The following MGAT5 variants were observed in gnomAD, a reference collection of about 807,000 sequenced individuals.
MGAT5 encodes the protein alpha-1,6-mannosylglycoprotein 6-beta-N-acetylglucosaminyltransferase, also known as alpha-1,6-mannosylglycoprotein 6-beta-N-acetylglucosaminyltransferase A.
Under a neutral mutation model 94.3 loss-of-function variants are expected in MGAT5, and 30 were observed. The observed-to-expected ratio is 0.32, with a 90% CI of 0.24 to 0.43. The LOEUF (loss-of-function observed/expected upper bound fraction) is 0.43, where lower values mean the gene tolerates loss of function less well. Ranked by LOEUF, MGAT5 falls within the 20% of genes least tolerant of loss-of-function variation. MGAT5 has a pLI of 1.00. For synonymous variants in MGAT5, 310 were observed against 322.9 expected (o/e 0.96, Z 0.43); for missense variants, 691 against 905.5 (o/e 0.76, Z 3.04).
rs188964738 is a variant in MGAT5 at position 134,372,480 on chromosome 2, G to A, written c.1380+10072G>A. Among the ~76,000 whole-genome samples the A allele has an allele frequency of 1.5e-3, 233 of 152,288 alleles. 1 individual carries two copies. The highest frequency in any genetic ancestry group is 2.7e-3 in the Non-Finnish European group (182 of 68,024). ...TTTAGATCTCTTAAAGCACTGTCTC[G>A]TAGCCTCTTGAAGCATGTGTCTATT... On this transcript the variant is annotated intron_variant, in intron 10 of 15. Coordinates refer to ENST00000281923, the MANE Select transcript of MGAT5 (RefSeq NM_002410.5).
intron 8 of MGAT5, among the ~76,000 whole-genome samples, chr2:134,348,991 C>A (rs914868446): frequency 3.3e-5 from 5 of 152,058 alleles, no homozygotes; most frequent in Admixed American, 2.6e-4. Context: ...ATGAAAGCAG[C>A]CATAGAGAAT....
At chr2:134,331,278 T>C (rs1687952638) in intron 4 of MGAT5, among the ~76,000 whole-genome samples, 1 of 152,168 alleles carries the variant, frequency 6.6e-6, no homozygotes, top group Non-Finnish European at 1.5e-5. Flanking sequence ...AGGGATTTTA[T>C]AGGGTCCTTT....
At chr2:134,386,307 A>G (rs1043987855) in intron 10 of MGAT5, among the ~76,000 whole-genome samples, 1 of 152,240 alleles carries the variant, frequency 6.6e-6, no homozygotes, top group Admixed American at 6.5e-5. Context: ...GAGACTACAT[A>G]GAAAAAAATC....
chr2:134,120,095 A>G (rs1292698669), upstream of MGAT5: 1 of 152,956 alleles, frequency 6.5e-6, no homozygotes, highest in African/African-American at 2.4e-5. Context: ...CGGCCCCGCC[A>G]GGGCTGGTAG....
chr2:134,139,560 C>T (rs1194408166), intron 1 of MGAT5, among the ~76,000 whole-genome samples: 1 of 152,164 alleles, frequency 6.6e-6, no homozygotes, highest in Non-Finnish European at 1.5e-5. Context: ...AGCGGAGGCT[C>T]AGACATGAAG....
At chr2:134,407,720 T>C (rs1683421303) in intron 11 of MGAT5, among the ~76,000 whole-genome samples, 1 of 152,208 alleles carries the variant, frequency 6.6e-6, no homozygotes, top group Non-Finnish European at 1.5e-5. Context: ...AGCAGGTAAC[T>C]GTAACAATGT....
chr2:134,374,481 C>T (rs574194363), intron 10 of MGAT5, among the ~76,000 whole-genome samples: 67 of 152,226 alleles, frequency 4.4e-4, no homozygotes, highest in African/African-American at 1.6e-3. Context: ...TTGTTGGAAG[C>T]AGATTTCAAC....
chr2:134,289,857 G>A (rs187884052), intron 2 of MGAT5, among the ~76,000 whole-genome samples: 8 of 152,306 alleles, frequency 5.3e-5, no homozygotes, highest in Non-Finnish European at 1.0e-4. Context: ...GCTGGGAGAG[G>A]ATTCTTGGAA....
intron 1 of MGAT5, among the ~76,000 whole-genome samples, chr2:134,220,643 C>T (rs1468098092): frequency 2.0e-5 from 3 of 152,330 alleles, no homozygotes; most frequent in East Asian, 1.9e-4. Context: ...GTCCTTAGTG[C>T]GTATGTGTAT....
intron 11 of MGAT5, among the ~76,000 whole-genome samples, chr2:134,412,472 T>C (rs995674095): frequency 2.6e-5 from 4 of 152,222 alleles, no homozygotes; most frequent in South Asian, 2.1e-4. Flanking sequence ...GAAGAAACCT[T>C]CTGTGTAGTT....
chr2:134,189,726 C>T (rs1432288291), intron 1 of MGAT5, among the ~76,000 whole-genome samples: 2 of 151,078 alleles, frequency 1.3e-5, no homozygotes, highest in Non-Finnish European at 2.9e-5. Context: ...CTCAGCCTCC[C>T]GAGCAGCTGG....
intron 12 of MGAT5, among the ~76,000 whole-genome samples, chr2:134,414,944 G>T (rs562802608): frequency 1.3e-5 from 2 of 152,128 alleles, no homozygotes; most frequent in Non-Finnish European, 1.5e-5. Context: ...CCATGTTGCC[G>T]CCAGTGATGG....
At chr2:134,132,819 T>TG (rs1686235890) in intron 1 of MGAT5, among the ~76,000 whole-genome samples, 1 of 152,254 alleles carries the variant, frequency 6.6e-6, no homozygotes, top group Non-Finnish European at 1.5e-5. Flanking sequence ...AGTGAACACA[T>TG]GTGGCAGATG....
intron 1 of MGAT5, among the ~76,000 whole-genome samples, chr2:134,220,818 C>T (rs1670657654): frequency 6.6e-6 from 1 of 152,158 alleles, no homozygotes; most frequent in South Asian, 2.1e-4. Context: ...TGACTTATAG[C>T]AGGCAGTTAG....
chr2:134,369,382 A>G (rs1429586666), intron 10 of MGAT5, among the ~76,000 whole-genome samples: 1 of 152,188 alleles, frequency 6.6e-6, no homozygotes, highest in Non-Finnish European at 1.5e-5. Flanking sequence ...AGGGAGATGG[A>G]TGGGAACAAG....
At chr2:134,267,582 T>C (rs1683795983) in intron 1 of MGAT5, among the ~76,000 whole-genome samples, 1 of 152,190 alleles carries the variant, frequency 6.6e-6, no homozygotes. Flanking sequence ...AGTAGGTCAG[T>C]TGTATTTACT....
intron 10 of MGAT5, among the ~76,000 whole-genome samples, chr2:134,380,398 C>G (rs1448190013): frequency 6.6e-6 from 1 of 152,188 alleles, no homozygotes; most frequent in Non-Finnish European, 1.5e-5. Context: ...GTCAGTCTGG[C>G]CCAGCTTTAT....
At chr2:134,381,045 C>G (rs574304716) in intron 10 of MGAT5, among the ~76,000 whole-genome samples, 1 of 152,156 alleles carries the variant, frequency 6.6e-6, no homozygotes, top group South Asian at 2.1e-4. Flanking sequence ...TACCTCCCCC[C>G]ATCCCAAATT....
chr2:134,180,295 A>T (rs1166536856), intron 1 of MGAT5, among the ~76,000 whole-genome samples: 1 of 152,202 alleles, frequency 6.6e-6, no homozygotes, highest in Admixed American at 6.5e-5. Flanking sequence ...GAAATCCAAG[A>T]ACCCTCTCTT....
Sources: allele counts gnomAD v4.1 joint callset (sites outside exome capture counted in the v4.1 genomes callset), GRCh38; gene constraint gnomAD v4.1.1; transcripts MANE v1.5; gene names NCBI Gene and HGNC (gene_info 2026-07-23, HGNC 2026-07-21).